PUF60: variants seen among roughly 807,000 people sequenced by gnomAD.
The protein encoded by PUF60 is poly(U) binding splicing factor 60, also known as poly(U)-binding-splicing factor PUF60.
Under a neutral mutation model 61.8 loss-of-function variants are expected in PUF60, and 10 were observed. The ratio of observed to expected loss-of-function variants is 0.16; its 90% CI spans 0.10 to 0.27. The LOEUF (loss-of-function observed/expected upper bound fraction) is 0.27. PUF60 is among the 10% of genes least tolerant of loss of function. PUF60 has a pLI of 1.00. For missense variants in PUF60, 371 were observed against 754.0 expected, an observed-to-expected ratio of 0.49 and a Z score of 5.95; for synonymous variants, 353 against 300.9, an observed-to-expected ratio of 1.17 and a Z score of -1.79.
At chr8:143,824,484 TCCTCACGGATA>T in intron 1 of PUF60, 85 bp from the exon 2 acceptor site, 1 of 1,411,772 alleles carries the variant, frequency 7.1e-7, no homozygotes, top group Non-Finnish European at 9.8e-7. Flanking sequence ...AGGGCTGAGC[TCCTCACGGATA>T]AGCAAGGGAG....
In PUF60 at chr8:143,824,358, C is replaced by A. The variant is rs375142105; in HGVS notation, c.66G>T (p.Ala22=). ...GQQGGGSEPA[A]AAAVVAAGDK... Reference sequence around the variant, plus strand: ...CTCCCGCTGCCACCACTGCCGCCGCCGCCGCCGGCTCGGACCCCCCTCCTT... The same window carrying A: ...CTCCCGCTGCCACCACTGCCGCCGCAGCCGCCGGCTCGGACCCCCCTCCTT... The change falls in exon 2 of 12, where the codon GCG becomes GCT. Residue 22 remains alanine, a synonymous_variant. Transcript: ENST00000526683. 3.8e-4 allele frequency: 620 copies of A among 1,612,624 alleles called. No individual in the cohort carries two copies. The highest frequency in any genetic ancestry group is 5.1e-4 in the Non-Finnish European group (603 of 1,179,762).
At chr8:143,824,246 ACAGG>A (rs953353163) in intron 2 of PUF60, 63 bp downstream of exon 2, 146 of 1,470,462 alleles carry the variant, frequency 9.9e-5, no homozygotes, top group East Asian at 5.5e-4. Context: ...CCAGGGACGC[ACAGG>A]CAGGCGGGCG....
At chr8:143,828,948 C>A in intron 1 of PUF60, 1 of 988,082 alleles carries the variant, frequency 1.0e-6, no homozygotes, top group Non-Finnish European at 1.2e-6. Flanking sequence ...ACACCCCCGT[C>A]GGCAAAGGGA....
rs368124656 is a variant in PUF60, at chr8:143,817,297, G to T, written c.1144+34C>A. The stretch of plus-strand genomic sequence containing the variant: ...AGCGAGCCGAGAGATGCCAGGACAG[G>T]AGAGGAGAGGATCTGGTACCACTTA... On this transcript the variant is annotated intron_variant, in intron 10 of 11. Coordinates refer to ENST00000526683, the MANE Select transcript of PUF60 (RefSeq NM_078480.3). The surrounding 1 kb of genome is among the most constrained non-coding windows in gnomAD (Gnocchi z 7.4). 282 of 1,571,626 alleles carry T rather than the reference G, an allele frequency of 1.8e-4. 1 individual carries two copies. The African/African-American group carries it at 3.6e-3, about 20-fold the overall frequency.
chr8:143,817,156 A>C lies in PUF60; in HGVS notation c.1145-11T>G. 6.3e-7 allele frequency: 1 copy of C among 1,583,074 alleles called. No individual in the cohort carries two copies. The highest frequency in any genetic ancestry group is 1.8e-5 in the Admixed American group (1 of 56,448). ...GGGCTGGGGTCACACCTGCAGGAAAACCAACCAGGTCCATCAGTCACTCCC... is the reference window on the plus strand; with the variant it reads ...GGGCTGGGGTCACACCTGCAGGAAACCCAACCAGGTCCATCAGTCACTCCC... On this transcript the variant is annotated splice_polypyrimidine_tract_variant and intron_variant, in intron 10 of 11. Transcript: ENST00000526683. The surrounding 1 kb of genome is among the most constrained non-coding windows in gnomAD (Gnocchi z 7.4).
At chr8:143,820,573 G>T in intron 5 of PUF60, 93 bp downstream of exon 5, 1 of 1,393,886 alleles carries the variant, frequency 7.2e-7, no homozygotes, top group Non-Finnish European at 1.0e-6. Context: ...GGGCCGGCCA[G>T]GGGAGCAAGG....
intron 1 of PUF60, among the ~76,000 whole-genome samples, chr8:143,825,675 G>A (rs1817562862): frequency 6.6e-6 from 1 of 152,158 alleles, no homozygotes; most frequent in African/African-American, 2.4e-5. Flanking sequence ...TAGAGATGGG[G>A]GTCTCCGTGT....
Position 143,824,338 on chromosome 8 carries a change from G to GCTGCCACCA in PUF60, c.77_85dup (p.Val26_Ala28dup). 1 of 1,612,292 alleles carries GCTGCCACCA rather than the reference G, an allele frequency of 6.2e-7. No homozygotes were observed. The highest frequency in any genetic ancestry group is 8.5e-7 in the Non-Finnish European group (1 of 1,179,616). On this transcript the variant is annotated inframe_insertion, in exon 2 of 12. Transcript: ENST00000526683. Reference sequence around the variant, plus strand: ...CTGTGGAGGTTTCCATTTGTCTCCCGCTGCCACCACTGCCGCCGCCGCCGC... The same window carrying GCTGCCACCA: ...CTGTGGAGGTTTCCATTTGTCTCCCGCTGCCACCACTGCCACCACTGCCGCCGCCGCCGC...
Position 143,824,324 on chromosome 8 carries a change from T to C in PUF60, c.100A>G (p.Lys34Glu). ...AAVVAAGDKW[K>E]PPQGTDSIKM... Reference sequence around the variant, plus strand: ...CTTAAGGTCAGTACCTGTGGAGGTTTCCATTTGTCTCCCGCTGCCACCACT... The same window carrying C: ...CTTAAGGTCAGTACCTGTGGAGGTTCCCATTTGTCTCCCGCTGCCACCACT... The change falls in exon 2 of 12, where the codon AAA becomes GAA. Residue 34 changes from lysine (K) to glutamate (E), a missense_variant. Transcript: ENST00000526683. 2 of 1,611,690 alleles carry C rather than the reference T, an allele frequency of 1.2e-6. No homozygotes were observed. Among genetic ancestry groups the C allele is most frequent in the Non-Finnish European group, 1.7e-6 (2 of 1,179,428 alleles).
chr8:143,818,780 A>C lies in PUF60; in HGVS notation c.349-246T>G, dbSNP rs1010585108. 1.8e-6 allele frequency: 1 copy of C among 543,306 alleles called. No homozygotes were observed. Among genetic ancestry groups the C allele is most frequent in the African/African-American group, 1.9e-5 (1 of 52,708 alleles). 33.7% of individuals were successfully genotyped at this position (543,306 alleles called of 1,614,324 possible). ...CCCAGCCCGCCAAGGTCCCAGGCAGACTGCGGCAGCAAAGCCGACAGATGG... is the reference window on the plus strand; with the variant it reads ...CCCAGCCCGCCAAGGTCCCAGGCAGCCTGCGGCAGCAAAGCCGACAGATGG... On this transcript the variant is annotated intron_variant, in intron 5 of 11. Coordinates refer to ENST00000526683, the MANE Select transcript of PUF60 (RefSeq NM_078480.3). The surrounding 1 kb of genome is among the most constrained non-coding windows in gnomAD (Gnocchi z 7.9).
In PUF60 at chr8:143,818,448, G is replaced by A. The variant is rs11540345; in HGVS notation, c.435C>T (p.Ile145=). The A allele has an allele frequency of 6.2e-7, 1 of 1,612,056 alleles. No homozygotes were observed. Among genetic ancestry groups the A allele is most frequent in the Non-Finnish European group, 8.5e-7 (1 of 1,179,542 alleles). ...SIYYELGEDT[I]RQAFAPFGPI... ...GGCCAAAGGGGGCAAAGGCCTGGCG[G>A]ATGGTGTCCTCCCCCAGCTCATAGT... The change falls in exon 6 of 12, where the codon ATC becomes ATT. Residue 145 remains isoleucine (I), a synonymous_variant. Transcript: ENST00000526683. The surrounding 1 kb of genome is among the most constrained non-coding windows in gnomAD (Gnocchi z 7.9).
chr8:143,821,550 T>C, intron 4 of PUF60, 47 bp downstream of exon 4: 3 of 1,438,744 alleles, frequency 2.1e-6, no homozygotes, highest in Non-Finnish European at 2.8e-6. Context: ...GAGGAGGAGA[T>C]GGTGGCTGTG....
Position 143,816,839 on chromosome 8 carries a change from G to T in PUF60, c.1381-20C>A. ...TGTAGACTGTGGGGCAGGGCCGAGG[G>T]GAAGACAGCTGAGCACTGCGGCCCC... On this transcript the variant is annotated intron_variant, in intron 11 of 11. Transcript: ENST00000526683. 6.2e-7 allele frequency: 1 copy of T among 1,608,666 alleles called. No homozygotes were observed. The highest frequency in any genetic ancestry group is 1.7e-4 in the Middle Eastern group (1 of 6,046).
In PUF60 at chr8:143,816,601, A is replaced by C; in HGVS notation, c.1599T>G (p.Asn533Lys). ...CCTTGCGGCCAGCAAACCAGCGGCC[A>C]TTGAGGGCCTGGATGGCCTTATGAG... is the stretch of plus-strand genomic sequence containing the variant. ...SETHKAIQALNGRWFAGRKVV... is the reference protein window; with the variant it reads ...SETHKAIQALKGRWFAGRKVV... The change falls in exon 12 of 12, where the codon AAT (asparagine) becomes AAG (lysine). Residue 533 changes from asparagine (N) to lysine (K), a missense_variant. This residue lies in a region of PUF60 where 19 missense variants were observed against 16.9 expected (regional missense o/e 1.12). Transcript: ENST00000526683. 6.2e-7 allele frequency: 1 copy of C among 1,613,758 alleles called. No homozygotes were observed. Among genetic ancestry groups the C allele is most frequent in the South Asian group, 1.1e-5 (1 of 91,088 alleles).
At chr8:143,827,427 G>A (rs1036970912) in intron 1 of PUF60, 6 of 456,164 alleles carry the variant, frequency 1.3e-5, no homozygotes, top group African/African-American at 1.2e-4. Flanking sequence ...GCAGCCACCA[G>A]GCAGAAGGCA....
chr8:143,820,774 G>C, intron 4 of PUF60, 58 bp from the exon 5 acceptor site: 1 of 1,499,334 alleles, frequency 6.7e-7, no homozygotes, highest in Non-Finnish European at 9.3e-7. Flanking sequence ...TCCCGCTCTC[G>C]TCAACACCTC....
At chr8:143,823,683 G>A (rs961850439) in intron 2 of PUF60, among the ~76,000 whole-genome samples, 1 of 152,196 alleles carries the variant, frequency 6.6e-6, no homozygotes, top group African/African-American at 2.4e-5. Flanking sequence ...TGCTCTGGAG[G>A]CGGGCGCTAC....
chr8:143,819,507 G>T (rs1816773060), intron 5 of PUF60, among the ~76,000 whole-genome samples: 1 of 152,180 alleles, frequency 6.6e-6, no homozygotes, highest in Admixed American at 6.5e-5. Context: ...TGTGGCCAGA[G>T]ACCAGTTTCC....
rs763563534 is a variant in PUF60 at position 143,821,925 on chromosome 8, G to T, written c.112-12C>A. The T allele has an allele frequency of 1.9e-6, 3 of 1,576,274 alleles. No homozygotes were observed. Among genetic ancestry groups the T allele is most frequent in the Non-Finnish European group, 2.6e-6 (3 of 1,160,992 alleles). ...ATGGAGTCTGTGCCCTGGTAAGGGA[G>T]CAGGGGAATCCATCAGCAGCAAGCT... is the stretch of plus-strand genomic sequence containing the variant. On this transcript the variant is annotated splice_polypyrimidine_tract_variant and intron_variant, in intron 2 of 11. Coordinates refer to ENST00000526683, the MANE Select transcript of PUF60 (RefSeq NM_078480.3).
Sources: gnomAD v4.1 joint callset for allele counts (sites outside exome capture counted in the v4.1 genomes callset) on GRCh38, gnomAD v4.1.1 for gene constraint, gnomAD v4.1.1 regional missense constraint, Gnocchi (gnomAD v3.1) non-coding constraint, MANE v1.5 for transcripts, NCBI Gene and HGNC (gene_info 2026-07-23, HGNC 2026-07-21) for gene names.